The following ERC1 variants were observed in gnomAD, a reference collection of about 807,000 sequenced individuals.
ERC1 encodes the protein ELKS/RAB6-interacting/CAST family member 1.
A neutral mutation model predicts 132.0 loss-of-function variants in ERC1; 56 were observed. The ratio of observed to expected loss-of-function variants is 0.42; its 90% confidence interval spans 0.34 to 0.53. The LOEUF is 0.53. Ranked by LOEUF, ERC1 falls within the 20% of genes least tolerant of loss-of-function variation. The probability of loss-of-function intolerance (pLI) is 0.03; values close to 1 mark genes in which losing one functional copy is unlikely to be tolerated. For synonymous variants in ERC1, 478 were observed against 476.1 expected (o/e 1.00, Z -0.05); for missense variants, 1,202 against 1,349.9 (o/e 0.89, Z 1.72).
chr12:1,030,125 T>C (rs757040999), intron 2 of ERC1, among the ~76,000 whole-genome samples: 12 of 152,222 alleles, frequency 7.9e-5, no homozygotes, highest in Non-Finnish European at 1.6e-4. Flanking sequence ...GTCTGTACTT[T>C]TAGAAGTTTT....
chr12:1,312,009 C>G (rs568330139), intron 15 of ERC1, among the ~76,000 whole-genome samples: 2 of 152,190 alleles, frequency 1.3e-5, no homozygotes, highest in African/African-American at 4.8e-5. Flanking sequence ...CCCATTTTTC[C>G]TCAAGAACAT....
At chr12:1,032,445 A>G (rs984606963) in intron 2 of ERC1, among the ~76,000 whole-genome samples, 1 of 152,228 alleles carries the variant, frequency 6.6e-6, no homozygotes, top group African/African-American at 2.4e-5. Context: ...AAAAGAAACA[A>G]GGGACCATTT....
chr12:1,109,575 T>C (rs1945629965), intron 4 of ERC1, among the ~76,000 whole-genome samples: 1 of 152,198 alleles, frequency 6.6e-6, no homozygotes, highest in Admixed American at 6.5e-5. Flanking sequence ...AATTTGTAAT[T>C]TCTGATGCAA....
chr12:1,333,333 T>G (rs2083035353), intron 15 of ERC1, among the ~76,000 whole-genome samples: 1 of 71,104 alleles, frequency 1.4e-5, no homozygotes, highest in African/African-American at 5.0e-5. Flanking sequence ...GTACCGCATT[T>G]TTTTTTTTTT....
intron 17 of ERC1, among the ~76,000 whole-genome samples, chr12:1,414,858 C>CTG (rs375722420): frequency 2.6e-5 from 4 of 151,432 alleles, no homozygotes; most frequent in Non-Finnish European, 4.4e-5. Context: ...GTGTGTGTGT[C>CTG]TGTGTGTGTG....
Position 1,027,771 on chromosome 12 carries a change from A to G in ERC1, c.-133A>G. Reference sequence around the variant, plus strand: ...AGATATGGTGTAAGATACTTCTTCAAGATTGGACAGCTGGGGACCTTCTTC... The same window carrying G: ...AGATATGGTGTAAGATACTTCTTCAGGATTGGACAGCTGGGGACCTTCTTC... On this transcript the variant is annotated 5_prime_UTR_variant, in exon 2 of 19. Coordinates refer to ENST00000360905, the MANE Select transcript of ERC1 (RefSeq NM_178040.4). 1.4e-6 allele frequency: 1 copy of G among 692,238 alleles called. No homozygotes were observed. Among genetic ancestry groups the G allele is most frequent in the Middle Eastern group, 2.8e-4 (1 of 3,574 alleles). 42.9% of individuals were successfully genotyped at this position (692,238 alleles called of 1,614,324 possible).
At chr12:1,010,899 A>T (rs1261634546) in intron 1 of ERC1, among the ~76,000 whole-genome samples, 1 of 152,148 alleles carries the variant, frequency 6.6e-6, no homozygotes, top group Non-Finnish European at 1.5e-5. Flanking sequence ...CTTGGAGAAG[A>T]CCAGAAACAT....
At chr12:1,228,469 G>A (rs1363728488) in intron 12 of ERC1, among the ~76,000 whole-genome samples, 1 of 152,098 alleles carries the variant, frequency 6.6e-6, no homozygotes, top group Non-Finnish European at 1.5e-5. Flanking sequence ...TATGTATGAG[G>A]TCATGTCATT....
chr12:1,488,140 G>GAAA lies in ERC1; in HGVS notation c.3214-1933_3214-1931dup, dbSNP rs34258622. Among the ~76,000 whole-genome samples the GAAA allele has an allele frequency of 8.1e-3, 551 of 67,986 alleles. 5 individuals are homozygous for GAAA. The highest frequency in any genetic ancestry group is 0.022 in the African/African-American group (524 of 23,570). 44.6% of individuals were successfully genotyped at this position (67,986 alleles called of 152,430 possible). ...GTGACAGAGCGAGACTCACGTCTCA[G>GAAA]AAAAAAAAAAAAAAAAAAAAAAGAT... is the stretch of plus-strand genomic sequence containing the variant. On this transcript the variant is annotated intron_variant, in intron 18 of 18. Coordinates refer to ENST00000360905, the MANE Select transcript of ERC1 (RefSeq NM_178040.4).
In ERC1 at chr12:1,197,207, C is replaced by T. The variant is rs192543329; in HGVS notation, c.2351+7155C>T. ...TCTTAACCAGGATGGTCTCGAACTC[C>T]TGGCCTCAAGTGATCCGCCTGCCTT... On this transcript the variant is annotated intron_variant, in intron 12 of 18. Coordinates refer to ENST00000360905, the MANE Select transcript of ERC1 (RefSeq NM_178040.4). Among the ~76,000 whole-genome samples the T allele has an allele frequency of 4.7e-3, 721 of 152,000 alleles. 3 individuals carry two copies. The highest frequency in any genetic ancestry group is 7.8e-3 in the Non-Finnish European group (527 of 67,972).
intron 15 of ERC1, among the ~76,000 whole-genome samples, chr12:1,347,733 C>T (rs995293670): frequency 3.9e-4 from 60 of 152,208 alleles, no homozygotes; most frequent in Admixed American, 1.3e-3. Context: ...CCTGTAATCC[C>T]AGCACTTGGG....
chr12:1,311,849 T>C (rs1299788628), intron 15 of ERC1, among the ~76,000 whole-genome samples: 1 of 152,220 alleles, frequency 6.6e-6, no homozygotes, highest in Non-Finnish European at 1.5e-5. Context: ...CTAAGTCTTT[T>C]CACCAGCTGG....
At chr12:990,952 A>AGTGTGTGTGTGTGTGTGAGT (rs138094397), upstream of ERC1, 2 of 150,144 alleles carry the variant, frequency 1.3e-5, no homozygotes, top group East Asian at 4.0e-4. Context: ...TGTGTGTGTG[A>AGTGTGTGTGTGTGTGTGAGT]GTGTGTGTGT....
chr12:1,025,016 G>GGATATTAAATTATGGA (rs1966842531), intron 1 of ERC1, among the ~76,000 whole-genome samples: 1 of 152,246 alleles, frequency 6.6e-6, no homozygotes, highest in South Asian at 2.1e-4. Context: ...TAGGTTTTAT[G>GGATATTAAATTATGGA]CAATTACTGT....
In ERC1 at chr12:1,190,045, T is replaced by C. The variant is rs747910351; in HGVS notation, c.2344T>C (p.Leu782=). 1.8e-5 allele frequency: 29 copies of C among 1,612,782 alleles called. No individual in the cohort carries two copies. The South Asian group carries it at 3.0e-4, about 17-fold the overall frequency. Reference sequence around the variant, plus strand: ...TGACAAAGATAAGAAGATAGCTGAGTTGGAAAGGTAAGAAAGTGAAGCTGA... The same window carrying C: ...TGACAAAGATAAGAAGATAGCTGAGCTGGAAAGGTAAGAAAGTGAAGCTGA... ...KNDKDKKIAE[L]ERQVKDQNKK... Residue 782 remains leucine (L), a synonymous_variant, in exon 12 of 19, where the codon TTG becomes CTG. Coordinates refer to ENST00000360905, the MANE Select transcript of ERC1 (RefSeq NM_178040.4).
intron 18 of ERC1, among the ~76,000 whole-genome samples, chr12:1,459,213 A>T (rs1268353344): frequency 6.6e-6 from 1 of 152,206 alleles, no homozygotes; most frequent in Non-Finnish European, 1.5e-5. Flanking sequence ...AGCAATATTT[A>T]ATTTAGGGTC....
At chr12:1,465,295 G>A (rs1234292232) in intron 18 of ERC1, among the ~76,000 whole-genome samples, 6 of 152,178 alleles carry the variant, frequency 3.9e-5, no homozygotes, top group Admixed American at 1.3e-4. Flanking sequence ...ACAGTCTTCC[G>A]GTCCGGTCAG....
intron 17 of ERC1, among the ~76,000 whole-genome samples, chr12:1,425,301 TGTG>T (rs1231505947): frequency 2.0e-5 from 3 of 152,310 alleles, no homozygotes; most frequent in African/African-American, 7.2e-5. Flanking sequence ...CCACATCTCT[TGTG>T]GGGACAGGAA....
At chr12:1,121,895 ATC>A (rs1177660355) in intron 7 of ERC1, among the ~76,000 whole-genome samples, 1 of 9,478 alleles carries the variant, frequency 1.1e-4, no homozygotes, top group African/African-American at 2.0e-4. Flanking sequence ...CTCTATCTCT[ATC>A]TCTATCTCTA....
Sources: gnomAD v4.1 joint callset for allele counts (sites outside exome capture counted in the v4.1 genomes callset) on GRCh38, gnomAD v4.1.1 for gene constraint, MANE v1.5 for transcripts, NCBI Gene and HGNC (gene_info 2026-07-23, HGNC 2026-07-21) for gene names.